The following MTREX variants were observed in gnomAD, a reference collection of about 807,000 sequenced individuals.
MTREX encodes Mtr4 exosome RNA helicase.
Under a neutral mutation model 135.4 loss-of-function variants are expected in MTREX, and 76 were observed. The ratio of observed to expected loss-of-function variants is 0.56; its 90% CI spans 0.47 to 0.68. MTREX has a LOEUF of 0.68. Among genes scored for constraint, MTREX ranks in the 30% least tolerant of loss-of-function variants. The pLI is 0.00. For synonymous variants in MTREX, 404 were observed against 401.6 expected (o/e 1.01, Z -0.07); for missense variants, 920 against 1,262.1 (o/e 0.73, Z 4.11).
intron 21 of MTREX, among the ~76,000 whole-genome samples, chr5:55,401,527 A>G (rs186245458): frequency 1.1e-4 from 17 of 152,226 alleles, no homozygotes; most frequent in Non-Finnish European, 2.2e-4. Context: ...GATGGATCAT[A>G]TGGTAACTCT....
At chr5:55,421,379 G>A (rs1015762414) in intron 25 of MTREX, among the ~76,000 whole-genome samples, 5 of 152,168 alleles carry the variant, frequency 3.3e-5, no homozygotes, top group African/African-American at 1.2e-4. Context: ...AGACTCTGTG[G>A]GCAACAACCA....
chr5:55,312,386 T>A (rs1749127976), intron 1 of MTREX, among the ~76,000 whole-genome samples: 1 of 151,974 alleles, frequency 6.6e-6, no homozygotes, highest in Non-Finnish European at 1.5e-5. Flanking sequence ...TTTTTATATA[T>A]TTACTCCTTT....
rs776740966 is a variant in MTREX, at chr5:55,425,316, A to T, written c.*544A>T. ...TTAAAAGAAGTTCTTTCTTTGAAGA[A>T]ATCCGATACATATACAGCCTACAGT... On this transcript the variant is annotated 3_prime_UTR_variant, in exon 27 of 27. Coordinates refer to ENST00000230640, the MANE Select transcript of MTREX (RefSeq NM_015360.5). 14 of 1,605,050 alleles carry T rather than the reference A, an allele frequency of 8.7e-6. No homozygotes were observed. In the South Asian group the frequency reaches 1.4e-4, roughly 16 times the overall value.
At chr5:55,309,331 T>C (rs1177063504) in intron 1 of MTREX, among the ~76,000 whole-genome samples, 1 of 152,182 alleles carries the variant, frequency 6.6e-6, no homozygotes, top group Non-Finnish European at 1.5e-5. Context: ...ATAAGTAGAA[T>C]GATAGTTTAG....
intron 24 of MTREX, 78 bp from the exon 25 acceptor site, chr5:55,415,892 A>T: frequency 9.7e-7 from 1 of 1,032,884 alleles, no homozygotes; most frequent in Non-Finnish European, 1.4e-6. Context: ...ACCTCCTGGA[A>T]TACTGGCTTG....
chr5:55,358,186 T>G (rs1749951826), intron 14 of MTREX, among the ~76,000 whole-genome samples: 1 of 152,210 alleles, frequency 6.6e-6, no homozygotes. Context: ...TTACTGCCAG[T>G]GAATTAGCCA....
At chr5:55,312,516 T>G (rs990687617) in intron 1 of MTREX, among the ~76,000 whole-genome samples, 2 of 152,168 alleles carry the variant, frequency 1.3e-5, no homozygotes, top group African/African-American at 4.8e-5. Context: ...TGCCCCTTTT[T>G]AATACATCCC....
At chr5:55,368,698 T>G (rs991474178) in intron 16 of MTREX, among the ~76,000 whole-genome samples, 23 of 152,144 alleles carry the variant, frequency 1.5e-4, no homozygotes, top group African/African-American at 4.6e-4. Context: ...CCAGCTCAGC[T>G]GGACTATAGG....
At position 55,341,673 on chromosome 5, in the gene MTREX, T is replaced by C; in HGVS notation, c.691-8T>C. ...CCAACTAAATACATTTTTTACTTTTTTCTTTAGATTTTGAGAAGTATGCTT... is the reference window on the plus strand; with the variant it reads ...CCAACTAAATACATTTTTTACTTTTCTCTTTAGATTTTGAGAAGTATGCTT... On this transcript the variant is annotated splice_polypyrimidine_tract_variant and splice_region_variant and intron_variant, in intron 6 of 26. Transcript: ENST00000230640. 4 of 1,521,580 alleles carry C rather than the reference T, an allele frequency of 2.6e-6. No homozygotes were observed. Among genetic ancestry groups the C allele is most frequent in the Non-Finnish European group, 3.6e-6 (4 of 1,111,452 alleles). The allele number at this position is 1,521,580 out of a possible 1,614,324, so 94.3% of individuals were successfully genotyped here.
intron 16 of MTREX, 38 bp downstream of exon 16, chr5:55,366,913 A>G (rs757657963): frequency 2.7e-6 from 4 of 1,492,464 alleles, no homozygotes; most frequent in Non-Finnish European, 3.6e-6. Context: ...TAGTGTAGCT[A>G]GGAGACTGAC....
At chr5:55,366,927 C>T (rs781720084) in intron 16 of MTREX, 52 bp downstream of exon 16, 2 of 1,403,622 alleles carry the variant, frequency 1.4e-6, no homozygotes, top group Admixed American at 2.3e-5. Context: ...GACTGACTAG[C>T]AAAATGTCTG....
intron 25 of MTREX, among the ~76,000 whole-genome samples, chr5:55,418,802 T>C (rs1304471209): frequency 6.6e-6 from 1 of 152,146 alleles, no homozygotes. Flanking sequence ...AGTGCTTCCA[T>C]TTCAAGAATA....
At chr5:55,319,363 C>T (rs1170851367) in intron 1 of MTREX, among the ~76,000 whole-genome samples, 1 of 152,116 alleles carries the variant, frequency 6.6e-6, no homozygotes, top group Non-Finnish European at 1.5e-5. Context: ...GTAATATGTA[C>T]TAGTCTTTGA....
chr5:55,374,392 A>C (rs1026039006), intron 16 of MTREX, among the ~76,000 whole-genome samples: 2 of 151,604 alleles, frequency 1.3e-5, no homozygotes, highest in Admixed American at 1.3e-4. Context: ...GGCTCAAGGA[A>C]TCCTCCAACC....
chr5:55,309,502 G>A (rs1217937886), intron 1 of MTREX, among the ~76,000 whole-genome samples: 1 of 152,106 alleles, frequency 6.6e-6, no homozygotes, highest in Admixed American at 6.5e-5. Flanking sequence ...GTACGAACAT[G>A]TTAAGGAAAA....
intron 5 of MTREX, among the ~76,000 whole-genome samples, chr5:55,338,794 T>TTTC (rs1405114579): frequency 7.1e-6 from 1 of 140,126 alleles, no homozygotes; most frequent in Non-Finnish European, 1.5e-5. Context: ...TTCTTTTTTT[T>TTTC]TTTTTTTTTT....
chr5:55,421,908 A>G (rs1249539182), intron 25 of MTREX, among the ~76,000 whole-genome samples: 2 of 152,140 alleles, frequency 1.3e-5, no homozygotes, highest in African/African-American at 4.8e-5. Context: ...CTCTATCCCA[A>G]TTCCTACCCT....
At chr5:55,376,734 C>G (rs1186265069) in intron 16 of MTREX, among the ~76,000 whole-genome samples, 1 of 152,146 alleles carries the variant, frequency 6.6e-6, no homozygotes, top group Non-Finnish European at 1.5e-5. Context: ...GATGTCCCTT[C>G]CATAGATTTT....
chr5:55,417,573 G>A (rs1032264685), intron 25 of MTREX, among the ~76,000 whole-genome samples: 10 of 152,180 alleles, frequency 6.6e-5, no homozygotes, highest in Non-Finnish European at 1.3e-4. Flanking sequence ...ATGATGTTTA[G>A]CAACATCTCT....
Sources: allele counts gnomAD v4.1 joint callset (sites outside exome capture counted in the v4.1 genomes callset), GRCh38; gene constraint gnomAD v4.1.1; transcripts MANE v1.5; gene names NCBI Gene and HGNC (gene_info 2026-07-23, HGNC 2026-07-21).